DNAH7: variants seen among roughly 807,000 people sequenced by gnomAD.
The protein encoded by DNAH7 is axonemal beta dynein heavy chain 7.
DNAH7 carries 397 observed loss-of-function variants against 444.6 expected under a neutral mutation model. The observed-to-expected ratio is 0.89, with a 90% CI of 0.82 to 0.97. The LOEUF (loss-of-function observed/expected upper bound fraction) is 0.97. Ranked by LOEUF, DNAH7 falls within the 50% of genes least tolerant of loss-of-function variation. The pLI, the probability that DNAH7 is intolerant of heterozygous loss-of-function variation, is 0.00. For synonymous variants in DNAH7, 1,636 were observed against 1,624.4 expected, an observed-to-expected ratio of 1.01 and a Z score of -0.17; for missense variants, 4,902 against 4,800.8, an observed-to-expected ratio of 1.02 and a Z score of -0.62.
chr2:195,917,512 T>C (rs1188618546), intron 24 of DNAH7, among the ~76,000 whole-genome samples: 1 of 152,242 alleles, frequency 6.6e-6, no homozygotes, highest in East Asian at 1.9e-4. Flanking sequence ...TCTTTCAAGT[T>C]GTCCACTTGG....
In DNAH7 at chr2:196,000,748, C is replaced by T. The variant is rs1693983147; in HGVS notation, c.1309G>A (p.Val437Ile). The change falls in exon 12 of 65, where the codon GTC (valine) becomes ATC (isoleucine). Residue 437 changes from valine to isoleucine, a missense_variant. Coordinates refer to ENST00000312428, the MANE Select transcript of DNAH7 (RefSeq NM_018897.3). Reference protein sequence around the residue: ...LNVYDVMIKAVSFVPRVETKL... With the variant: ...LNVYDVMIKAISFVPRVETKL... ...GTCTCAACTCTTGGCACAAAACTGA[C>T]AGCTTTAATCATGACGTCATAAACA... 1.3e-6 allele frequency: 2 copies of T among 1,589,718 alleles called. No homozygotes were observed. The highest frequency in any genetic ancestry group is 1.7e-6 in the Non-Finnish European group (2 of 1,168,030).
intron 61 of DNAH7, among the ~76,000 whole-genome samples, chr2:195,763,851 G>C (rs1694454679): frequency 6.6e-6 from 1 of 151,866 alleles, no homozygotes; most frequent in South Asian, 2.1e-4. Context: ...AAAGAGAGGT[G>C]GAGGGAATAA....
chr2:195,954,527 C>T (rs1291587575), intron 19 of DNAH7, among the ~76,000 whole-genome samples: 1 of 152,150 alleles, frequency 6.6e-6, no homozygotes, highest in African/African-American at 2.4e-5. Context: ...ATTTATAATC[C>T]TTTGGGTATA....
chr2:195,878,039 T>C (rs1001817235), intron 36 of DNAH7, among the ~76,000 whole-genome samples: 1 of 152,222 alleles, frequency 6.6e-6, no homozygotes, highest in Non-Finnish European at 1.5e-5. Flanking sequence ...GGAATAATAG[T>C]TTGAAAACAA....
intron 44 of DNAH7, among the ~76,000 whole-genome samples, chr2:195,857,059 T>C (rs1699754940): frequency 6.6e-6 from 1 of 152,118 alleles, no homozygotes; most frequent in Non-Finnish European, 1.5e-5. Flanking sequence ...TTTTTATTGC[T>C]TTTTAAGATG....
Position 195,858,800 on chromosome 2 carries a change from C to T in DNAH7, c.7741G>A (p.Val2581Ile), listed in dbSNP as rs116024781. Residue 2581 changes from valine to isoleucine, a missense_variant, in exon 43 of 65, where the codon GTA becomes ATA. Coordinates refer to ENST00000312428, the MANE Select transcript of DNAH7 (RefSeq NM_018897.3). ...KLLLEKKRSE[V>I]MKMKKRYEVG... is the part of the protein sequence containing the mutation. ...TCATATCTCTTTTTCATTTTCATTACTTCACTGGAAGGAAATAGATAAAAC... is the reference window on the plus strand; with the variant it reads ...TCATATCTCTTTTTCATTTTCATTATTTCACTGGAAGGAAATAGATAAAAC... 2,093 of 1,603,280 alleles carry T rather than the reference C, an allele frequency of 1.3e-3. 18 individuals carry two copies. The African/African-American group carries it at 0.023, about 18-fold the overall frequency.
chr2:195,947,253 C>G (rs1010264404), intron 19 of DNAH7, among the ~76,000 whole-genome samples: 1 of 151,588 alleles, frequency 6.6e-6, no homozygotes, highest in African/African-American at 2.4e-5. Context: ...GCCTTGGCCT[C>G]CCAAAGTGCT....
intron 9 of DNAH7, among the ~76,000 whole-genome samples, chr2:196,013,702 C>T (rs576339037): frequency 3.3e-5 from 5 of 152,262 alleles, no homozygotes; most frequent in South Asian, 2.1e-4. Flanking sequence ...GCACAAAGTA[C>T]GTATAACCAC....
chr2:195,992,277 G>A (rs1222896236), intron 12 of DNAH7, among the ~76,000 whole-genome samples: 1 of 152,160 alleles, frequency 6.6e-6, no homozygotes, highest in Non-Finnish European at 1.5e-5. Flanking sequence ...GCTTCCTCTC[G>A]GACCACACTG....
chr2:195,845,144 T>C lies in DNAH7; in HGVS notation c.8803A>G (p.Thr2935Ala). 1 of 1,611,550 alleles carries C rather than the reference T, an allele frequency of 6.2e-7. No individual in the cohort carries two copies. The highest frequency in any genetic ancestry group is 1.1e-5 in the South Asian group (1 of 90,132). Residue 2935 changes from threonine to alanine, a missense_variant, in exon 47 of 65, where the codon ACT (threonine) becomes GCT (alanine). Coordinates refer to ENST00000312428, the MANE Select transcript of DNAH7 (RefSeq NM_018897.3). Reference sequence around the variant, plus strand: ...GGGATATCTCTTCCTTTGCACAAAGTTGTCCACTCTTTAGTTTGATTCTTT... The same window carrying C: ...GGGATATCTCTTCCTTTGCACAAAGCTGTCCACTCTTTAGTTTGATTCTTT... ...YRQNQTKEWT[T>A]LCKGRDIPCS...
chr2:195,927,995 GGTTT>G (rs1475260996), intron 21 of DNAH7, among the ~76,000 whole-genome samples: 6 of 152,032 alleles, frequency 3.9e-5, no homozygotes, highest in Non-Finnish European at 8.8e-5. Flanking sequence ...TATATGTGCA[GGTTT>G]GTTACATGGG....
At chr2:195,970,446 T>C (rs1691766943) in intron 16 of DNAH7, among the ~76,000 whole-genome samples, 1 of 152,104 alleles carries the variant, frequency 6.6e-6, no homozygotes, top group Non-Finnish European at 1.5e-5. Context: ...CTCTTAATAA[T>C]CAAGAATGGG....
chr2:196,015,971 T>C (rs1694995060), intron 9 of DNAH7, among the ~76,000 whole-genome samples: 1 of 152,246 alleles, frequency 6.6e-6, no homozygotes. Context: ...TTCTTTCCCA[T>C]GTGTCTTTAC....
intron 47 of DNAH7, among the ~76,000 whole-genome samples, chr2:195,840,439 A>G (rs1698616093): frequency 6.6e-6 from 1 of 151,792 alleles, no homozygotes; most frequent in South Asian, 2.1e-4. Flanking sequence ...AAGATCAGGT[A>G]AAAGGCAACA....
chr2:195,762,827 A>C (rs1574392772), intron 61 of DNAH7, among the ~76,000 whole-genome samples: 1 of 152,198 alleles, frequency 6.6e-6, no homozygotes, highest in East Asian at 1.9e-4. Context: ...CCATCCAGAC[A>C]GAAAATCAAC....
chr2:195,747,157 T>TA (rs1362691573), intron 63 of DNAH7, among the ~76,000 whole-genome samples: 1 of 151,584 alleles, frequency 6.6e-6, no homozygotes, highest in Non-Finnish European at 1.5e-5. Flanking sequence ...TAAAAAATGA[T>TA]AAAGGGGATA....
intron 24 of DNAH7, among the ~76,000 whole-genome samples, chr2:195,911,444 A>T (rs1687353607): frequency 1.3e-5 from 2 of 152,154 alleles, no homozygotes; most frequent in African/African-American, 4.8e-5. Context: ...GAAGGAAGAA[A>T]ATGGGGAAGA....
intron 5 of DNAH7, among the ~76,000 whole-genome samples, chr2:196,041,835 T>C (rs1287982871): frequency 1.3e-5 from 2 of 151,710 alleles, no homozygotes; most frequent in African/African-American, 4.8e-5. Flanking sequence ...CCAGAATATA[T>C]AAGGAACTCA....
chr2:195,972,502 C>A (rs370595944), intron 15 of DNAH7, 36 bp from the exon 16 acceptor site: 1 of 1,496,510 alleles, frequency 6.7e-7, no homozygotes, highest in South Asian at 1.1e-5. Context: ...GACATTTTAA[C>A]GAACAGCTCA....
Sources: gnomAD v4.1 joint callset for allele counts (sites outside exome capture counted in the v4.1 genomes callset) on GRCh38, gnomAD v4.1.1 for gene constraint, MANE v1.5 for transcripts, NCBI Gene and HGNC (gene_info 2026-07-23, HGNC 2026-07-21) for gene names.